PTPRC: variants seen among roughly 807,000 people sequenced by gnomAD.
PTPRC encodes the protein protein tyrosine phosphatase receptor type C.
Under a neutral mutation model 155.9 loss-of-function variants are expected in PTPRC, and 44 were observed. That is an observed-to-expected ratio of 0.28 (90% CI 0.22 to 0.36). The LOEUF is 0.36. Ranked by LOEUF, PTPRC falls within the 10% of genes least tolerant of loss-of-function variation. PTPRC has a pLI of 1.00. For synonymous variants in PTPRC, 525 were observed against 533.1 expected (o/e 0.98, Z 0.21); for missense variants, 1,401 against 1,564.6 (o/e 0.90, Z 1.76).
chr1:198,699,467 T>C (rs958013215), intron 4 of PTPRC, 97 bp from the exon 5 acceptor site: 3 of 1,401,830 alleles, frequency 2.1e-6, no homozygotes, highest in East Asian at 2.3e-5. Context: ...CACAGTTTGG[T>C]AAACTATAAT....
At chr1:198,652,229 G>GC (rs776677745) in intron 2 of PTPRC, among the ~76,000 whole-genome samples, 1 of 151,684 alleles carries the variant, frequency 6.6e-6, no homozygotes, top group Non-Finnish European at 1.5e-5. Flanking sequence ...TAGATATAAA[G>GC]CCGCAGTTTA....
At chr1:198,726,618 A>T in intron 15 of PTPRC, among the ~76,000 whole-genome samples, 1 of 152,142 alleles carries the variant, frequency 6.6e-6, no homozygotes, top group East Asian at 1.9e-4. Context: ...TCCTGTTTGT[A>T]TGAGTTTCCA....
Sources: gnomAD v4.1 joint callset for allele counts (sites outside exome capture counted in the v4.1 genomes callset) on GRCh38, gnomAD v4.1.1 for gene constraint, MANE v1.5 for transcripts, NCBI Gene and HGNC (gene_info 2026-07-23, HGNC 2026-07-21) for gene names.